Variants in PPP2R2C observed in about 807,000 individuals in gnomAD.
PPP2R2C encodes the protein protein phosphatase 2 regulatory subunit Bgamma, also known as protein phosphatase 2, regulatory subunit B, gamma.
Under a neutral mutation model 45.3 loss-of-function variants are expected in PPP2R2C, and 10 were observed. The ratio of observed to expected loss-of-function variants is 0.22; its 90% CI spans 0.14 to 0.37. The LOEUF is 0.37. Ranked by LOEUF, PPP2R2C falls within the 10% of genes least tolerant of loss-of-function variation. The pLI is 1.00. For synonymous variants in PPP2R2C, 257 were observed against 245.4 expected, an observed-to-expected ratio of 1.05 and a Z score of -0.44; for missense variants, 308 against 619.7, an observed-to-expected ratio of 0.50 and a Z score of 5.34.
chr4:6,515,843 G>A (rs979235182), intron 2 of PPP2R2C, among the ~76,000 whole-genome samples: 1 of 152,178 alleles, frequency 6.6e-6, no homozygotes, highest in Non-Finnish European at 1.5e-5. Flanking sequence ...AGCCACCAGG[G>A]ATCCAGGGGA....
chr4:6,398,845 A>G (rs890016296), intron 1 of PPP2R2C, among the ~76,000 whole-genome samples: 3 of 152,228 alleles, frequency 2.0e-5, no homozygotes, highest in African/African-American at 7.2e-5. Flanking sequence ...AAACTCAAAT[A>G]TTCATCAGCA....
chr4:6,383,683 T>G, intron 1 of PPP2R2C: 1 of 585,882 alleles, frequency 1.7e-6, no homozygotes, highest in Non-Finnish European at 2.4e-6. Flanking sequence ...TGCCCCAACC[T>G]AATCTGATGT....
At position 6,456,303 on chromosome 4, in the gene PPP2R2C, TA is replaced by T. The variant is rs1428539601; in HGVS notation, c.70+15856del. On this transcript the variant is annotated intron_variant, in intron 1 of 8. Coordinates refer to ENST00000382599, the MANE Select transcript of PPP2R2C (RefSeq NM_020416.4). ...TCTGGAGTAGTGAAATGAAGGATGT[TA>T]TTTCCCCCCCCCCCCTTTATTCTAC... 4.6e-4 allele frequency among the ~76,000 whole-genome samples: 22 copies of T among 47,846 alleles called. No homozygotes were observed. In the South Asian group the frequency reaches 0.014, roughly 29 times the overall value. 31.4% of individuals were successfully genotyped at this position (47,846 alleles called of 152,430 possible). A position where few individuals can be genotyped will look rare whatever the true frequency, so the allele number is the denominator to read the frequency against.
chr4:6,386,040 C>G lies in PPP2R2C; in HGVS notation c.71-4946G>C, dbSNP rs556034448. On this transcript the variant is annotated intron_variant, in intron 1 of 8. Coordinates refer to ENST00000382599, the MANE Select transcript of PPP2R2C (RefSeq NM_020416.4). ...TGATTACTGTCTGCCAGGCCCTGCT[C>G]TAAATGCTTCCGGTAATAGCCTAGT... Among the ~76,000 whole-genome samples the G allele has an allele frequency of 3.7e-4, 57 of 152,330 alleles. No homozygotes were observed. In the South Asian group the frequency reaches 0.011, roughly 31 times the overall value.
chr4:6,360,422 C>T (rs1241131611), intron 5 of PPP2R2C, among the ~76,000 whole-genome samples: 1 of 152,150 alleles, frequency 6.6e-6, no homozygotes, highest in East Asian at 1.9e-4. Context: ...AAGAGGGCTG[C>T]AGCCTTGGGC....
rs113277140 is a variant in PPP2R2C at position 6,376,589 on chromosome 4, G to A, written c.335-658C>T. On this transcript the variant is annotated intron_variant, in intron 3 of 8. Coordinates refer to ENST00000382599, the MANE Select transcript of PPP2R2C (RefSeq NM_020416.4). ...CAATCTCAGCCTCCTGAGTAGCTGG[G>A]ACTACAGGCTCTCACCACCACACCT... Among the ~76,000 whole-genome samples the A allele has an allele frequency of 2.0e-5, 3 of 152,122 alleles. No homozygotes were observed. In the East Asian group the frequency reaches 5.8e-4, roughly 29 times the overall value.
intron 1 of PPP2R2C, chr4:6,555,544 T>C (rs11727636): frequency 0.42 from 63,285 of 152,130 alleles, 13,682 homozygotes; most frequent in East Asian, 0.75. Context: ...CTGCTGTGTG[T>C]TGTCTGGAGG....
chr4:6,481,785 C>T (rs1366632842), intron 2 of PPP2R2C, among the ~76,000 whole-genome samples: 1 of 151,778 alleles, frequency 6.6e-6, no homozygotes, highest in Non-Finnish European at 1.5e-5. Context: ...TCGAGACAAG[C>T]CTGGTCAACA....
At chr4:6,355,794 C>T (rs753131232) in intron 5 of PPP2R2C, among the ~76,000 whole-genome samples, 1 of 151,386 alleles carries the variant, frequency 6.6e-6, no homozygotes, top group South Asian at 2.1e-4. Context: ...AGTTTGAGAC[C>T]AGCCTAGCCA....
chr4:6,450,469 A>C (rs1027111322), intron 1 of PPP2R2C, among the ~76,000 whole-genome samples: 1 of 152,186 alleles, frequency 6.6e-6, no homozygotes, highest in African/African-American at 2.4e-5. Flanking sequence ...AAGATCACCA[A>C]GCACTGGAAG....
At chr4:6,402,577 T>C (rs1717489472) in intron 1 of PPP2R2C, among the ~76,000 whole-genome samples, 1 of 152,166 alleles carries the variant, frequency 6.6e-6, no homozygotes. Flanking sequence ...GGGACCGCGC[T>C]AGGCCAGGAG....
At chr4:6,381,191 C>T in intron 1 of PPP2R2C, 97 bp from the exon 2 acceptor site, 1 of 1,546,768 alleles carries the variant, frequency 6.5e-7, no homozygotes, top group Non-Finnish European at 8.7e-7. Flanking sequence ...TCCCCGCTCC[C>T]CGAGGCCCCA....
In PPP2R2C at chr4:6,471,052, C is replaced by A. The variant is rs1008751924; in HGVS notation, c.70+1108G>T. On this transcript the variant is annotated intron_variant, in intron 1 of 8. Coordinates refer to ENST00000382599, the MANE Select transcript of PPP2R2C (RefSeq NM_020416.4). This position sits in a 1 kb window ranked among gnomAD's most constrained non-coding sequence, Gnocchi z 5.6. ...CAGAGCCAGGCTTCGAGGAGGCGGA[C>A]CCAGCCGCAGGAGCCCGGTCTCCGC... Among the ~76,000 whole-genome samples, 1 of 152,128 alleles carries A rather than the reference C, an allele frequency of 6.6e-6. No individual in the cohort carries two copies. The highest frequency in any genetic ancestry group is 1.5e-5 in the Non-Finnish European group (1 of 67,996).
At chr4:6,430,266 G>T (rs560841988) in intron 1 of PPP2R2C, among the ~76,000 whole-genome samples, 10 of 152,282 alleles carry the variant, frequency 6.6e-5, no homozygotes, top group African/African-American at 2.4e-4. Context: ...CCCTAGGTAT[G>T]AGCATCATGA....
At chr4:6,545,370 A>G (rs1724943552) in intron 1 of PPP2R2C, among the ~76,000 whole-genome samples, 1 of 152,250 alleles carries the variant, frequency 6.6e-6, no homozygotes. Flanking sequence ...GTCACAAGTG[A>G]GTACAAAATC....
intron 1 of PPP2R2C, among the ~76,000 whole-genome samples, chr4:6,468,095 G>A (rs574328406): frequency 3.3e-5 from 5 of 152,362 alleles, no homozygotes; most frequent in African/African-American, 1.2e-4. Flanking sequence ...TGGAAGAAGA[G>A]AGACTAACTG....
intron 1 of PPP2R2C, among the ~76,000 whole-genome samples, chr4:6,417,106 G>A (rs1325229542): frequency 6.6e-6 from 1 of 152,350 alleles, no homozygotes; most frequent in African/African-American, 2.4e-5. Context: ...CAGTGGCAGT[G>A]AGGTTCCGTG....
At chr4:6,423,169 C>G (rs1266174181) in intron 1 of PPP2R2C, among the ~76,000 whole-genome samples, 1 of 152,180 alleles carries the variant, frequency 6.6e-6, no homozygotes, top group Non-Finnish European at 1.5e-5. Flanking sequence ...CTCTGTGCTA[C>G]CCACTGGAGA....
intron 1 of PPP2R2C, among the ~76,000 whole-genome samples, chr4:6,394,813 G>T (rs1040029888): frequency 6.6e-6 from 1 of 152,230 alleles, no homozygotes; most frequent in South Asian, 2.1e-4. Context: ...CGGGCGATGG[G>T]GGCCAAACTG....
Sources: gnomAD v4.1 joint callset for allele counts (sites outside exome capture counted in the v4.1 genomes callset) on GRCh38, gnomAD v4.1.1 for gene constraint, Gnocchi (gnomAD v3.1) non-coding constraint, MANE v1.5 for transcripts, NCBI Gene and HGNC (gene_info 2026-07-23, HGNC 2026-07-21) for gene names.